Variants in PIK3CD observed in about 807,000 individuals in gnomAD.
The protein encoded by PIK3CD is phosphatidylinositol 4,5-bisphosphate 3-kinase catalytic subunit delta isoform.
In PIK3CD, 20 loss-of-function variants were observed where a neutral mutation model predicts 122.9. That is an observed-to-expected ratio of 0.16 (90% CI 0.11 to 0.24). The LOEUF (loss-of-function observed/expected upper bound fraction) is 0.24, where lower values mean the gene tolerates loss of function less well. PIK3CD is among the 10% of genes least tolerant of loss of function. The pLI, the probability that PIK3CD is intolerant of heterozygous loss-of-function variation, is 1.00. For missense variants in PIK3CD, 787 were observed against 1,406.3 expected, an observed-to-expected ratio of 0.56 and a Z score of 7.04; for synonymous variants, 596 against 593.4, an observed-to-expected ratio of 1.00 and a Z score of -0.06.
chr1:9,664,103 G>T (rs1254969483), intron 1 of PIK3CD, among the ~76,000 whole-genome samples: 1 of 138,934 alleles, frequency 7.2e-6, no homozygotes, highest in Non-Finnish European at 1.5e-5. Flanking sequence ...AGGCTGGAGC[G>T]CAGTGGCATA....
chr1:9,688,627 C>T (rs1471084366), intron 1 of PIK3CD, among the ~76,000 whole-genome samples: 1 of 152,106 alleles, frequency 6.6e-6, no homozygotes, highest in Admixed American at 6.6e-5. Context: ...GAGTTCGAGA[C>T]CAGCGTAGGC....
At chr1:9,630,496 G>C in the PIK3CD span, among the ~76,000 whole-genome samples, 2 of 152,216 alleles carry the variant, frequency 1.3e-5, no homozygotes, top group African/African-American at 4.8e-5. Flanking sequence ...GCCAGACACA[G>C]GGGAGCAGCC....
chr1:9,709,311 T>G (rs1385084673), intron 2 of PIK3CD, among the ~76,000 whole-genome samples: 22 of 152,090 alleles, frequency 1.4e-4, no homozygotes, highest in Admixed American at 1.4e-3. Context: ...CCCAAAGTGC[T>G]GGGATTACAG....
intron 1 of PIK3CD, among the ~76,000 whole-genome samples, chr1:9,656,612 C>G (rs916356230): frequency 2.6e-5 from 4 of 152,040 alleles, no homozygotes; most frequent in Admixed American, 6.6e-5. Flanking sequence ...GGCACTACAA[C>G]TTGGGCAACA....
chr1:9,699,250 C>A (rs1003174811), intron 2 of PIK3CD, among the ~76,000 whole-genome samples: 1 of 152,130 alleles, frequency 6.6e-6, no homozygotes, highest in Admixed American at 6.6e-5. Context: ...GGGATGAGTT[C>A]GGGCATTTCG....
At chr1:9,709,475 A>G (rs950946085) in intron 2 of PIK3CD, among the ~76,000 whole-genome samples, 1 of 151,708 alleles carries the variant, frequency 6.6e-6, no homozygotes, top group Non-Finnish European at 1.5e-5. Context: ...GGGAGGCCAG[A>G]GTGAGAAGAT....
Position 9,715,465 on chromosome 1 carries a change from T to C in PIK3CD, c.142-76T>C, listed in dbSNP as rs1359471736. ...TTGGACCCCCAGGCTGGAGGCCAGC[T>C]CTCCACCCTCCCTCAGCCTCCCACC... is the stretch of plus-strand genomic sequence containing the variant. On this transcript the variant is annotated intron_variant, in intron 3 of 23. Coordinates refer to ENST00000377346, the MANE Select transcript of PIK3CD (RefSeq NM_005026.5). This position sits in a 1 kb window ranked among gnomAD's most constrained non-coding sequence, Gnocchi z 4.1. 1 of 1,323,094 alleles carries C rather than the reference T, an allele frequency of 7.6e-7. No individual in the cohort carries two copies. The highest frequency in any genetic ancestry group is 1.1e-6 in the Non-Finnish European group (1 of 929,830). 82.0% of individuals were successfully genotyped at this position (1,323,094 alleles called of 1,614,324 possible).
rs778702520 is a variant in PIK3CD at position 9,728,823 on chromosome 1, G to C, written c.*1777G>C. ...TTTTTTTAAGTCATTTCATGTTTCT[G>C]TCTGGGGAAGGCAAGTTAGTTAAGT... On this transcript the variant is annotated 3_prime_UTR_variant, in exon 24 of 24. Coordinates refer to ENST00000377346, the MANE Select transcript of PIK3CD (RefSeq NM_005026.5). 2 of 152,242 alleles carry C rather than the reference G, an allele frequency of 1.3e-5. No homozygotes were observed. The highest frequency in any genetic ancestry group is 2.9e-5 in the Non-Finnish European group (2 of 68,050). 9.4% of individuals were successfully genotyped at this position (152,242 alleles called of 1,614,324 possible). A position where few individuals can be genotyped will look rare whatever the true frequency, so the allele number is the denominator to read the frequency against.
chr1:9,724,195 C>T lies in PIK3CD; in HGVS notation c.2719-81C>T. 1 of 1,612,932 alleles carries T rather than the reference C, an allele frequency of 6.2e-7. No individual in the cohort carries two copies. Among genetic ancestry groups the T allele is most frequent in the South Asian group, 1.1e-5 (1 of 91,048 alleles). ...CAGCTCTGTGGCAGGGGTCCCCCAG[C>T]CCTGCTGGCTTCCTGTCTCCCCTGG... On this transcript the variant is annotated intron_variant, in intron 21 of 23. Transcript: ENST00000377346. The surrounding 1 kb of genome is among the most constrained non-coding windows in gnomAD (Gnocchi z 7.3).
chr1:9,720,234 C>G lies in PIK3CD; in HGVS notation c.1462C>G (p.Leu488Val), dbSNP rs1258900023. Residue 488 changes from leucine to valine, a missense_variant, in exon 11 of 24, where the codon CTG becomes GTG. This residue lies in a region of PIK3CD where 592 missense variants were observed against 920.6 expected (regional missense o/e 0.64). Coordinates refer to ENST00000377346, the MANE Select transcript of PIK3CD (RefSeq NM_005026.5). The surrounding 1 kb of genome is among the most constrained non-coding windows in gnomAD (Gnocchi z 9.0). ...CCCGCACCCCGTGTACTACCCCGCC[C>G]TGGAGAAGGTCAGTGGGGGCCCCGC... is the stretch of plus-strand genomic sequence containing the variant. ...VAPHPVYYPA[L>V]EKILELGRHS... 1 of 1,605,768 alleles carries G rather than the reference C, an allele frequency of 6.2e-7. No individual in the cohort carries two copies. Among genetic ancestry groups the G allele is most frequent in the East Asian group, 2.2e-5 (1 of 44,644 alleles).
Position 9,718,040 on chromosome 1 carries a change from C to G in PIK3CD, c.1020+414C>G. On this transcript the variant is annotated intron_variant, in intron 8 of 23. Coordinates refer to ENST00000377346, the MANE Select transcript of PIK3CD (RefSeq NM_005026.5). This position sits in a 1 kb window ranked among gnomAD's most constrained non-coding sequence, Gnocchi z 7.2. ...GTGAGGGCTGCACCTGCCTCAACCT[C>G]TAGGGGCTGAGCCCACCTCCCTGTT... The G allele has an allele frequency of 2.1e-6, 1 of 478,136 alleles. No individual in the cohort carries two copies. Among genetic ancestry groups the G allele is most frequent in the East Asian group, 6.0e-5 (1 of 16,590 alleles). 29.6% of individuals were successfully genotyped at this position (478,136 alleles called of 1,614,324 possible).
chr1:9,652,295 C>T lies in PIK3CD; in HGVS notation c.-138+493C>T, dbSNP rs1336117950. On this transcript the variant is annotated intron_variant, in intron 1 of 23. Transcript: ENST00000377346. The surrounding 1 kb of genome is among the most constrained non-coding windows in gnomAD (Gnocchi z 6.2). ...GCGCGCTGGTGATGTCGCCCGAGTG[C>T]CCTGGCGCGGAGAGAGGGCTGCGCA... Among the ~76,000 whole-genome samples, 2 of 152,184 alleles carry T rather than the reference C, an allele frequency of 1.3e-5. No homozygotes were observed. Among genetic ancestry groups the T allele is most frequent in the Admixed American group, 1.3e-4 (2 of 15,286 alleles).
At chr1:9,677,616 G>A (rs1645586132) in intron 1 of PIK3CD, among the ~76,000 whole-genome samples, 1 of 142,220 alleles carries the variant, frequency 7.0e-6, no homozygotes, top group Non-Finnish European at 1.5e-5. Context: ...CTGCATTCCA[G>A]CCTGAGTGAA....
chr1:9,642,872 C>G, the PIK3CD span, among the ~76,000 whole-genome samples: 27,818 of 151,512 alleles, frequency 0.18, 4,513 homozygotes, highest in East Asian at 0.58. Context: ...AGGTGGATCA[C>G]TTGAGCCCAG....
intron 1 of PIK3CD, among the ~76,000 whole-genome samples, chr1:9,666,532 G>A (rs772328290): frequency 6.0e-5 from 9 of 149,632 alleles, no homozygotes; most frequent in Non-Finnish European, 1.3e-4. Context: ...ATGCCTGGCC[G>A]TATTCAAAGA....
At chr1:9,675,590 G>A (rs1296918654) in intron 1 of PIK3CD, among the ~76,000 whole-genome samples, 1 of 151,832 alleles carries the variant, frequency 6.6e-6, no homozygotes, top group Non-Finnish European at 1.5e-5. Context: ...TGCTGGGTTG[G>A]GGGAGGGGAG....
rs956160389 is a variant in PIK3CD, at chr1:9,695,758, C to T, written c.-33+4187C>T. On this transcript the variant is annotated intron_variant, in intron 2 of 23. Coordinates refer to ENST00000377346, the MANE Select transcript of PIK3CD (RefSeq NM_005026.5). Reference sequence around the variant, plus strand: ...TTGGGAGGCTGAGGCAGGAGAATCGCTTGAACCCGGGAGGCGGAGGCTGCA... The same window carrying T: ...TTGGGAGGCTGAGGCAGGAGAATCGTTTGAACCCGGGAGGCGGAGGCTGCA... Among the ~76,000 whole-genome samples, 50 of 151,448 alleles carry T rather than the reference C, an allele frequency of 3.3e-4. 1 individual carries two copies. Among genetic ancestry groups the T allele is most frequent in the Non-Finnish European group, 8.8e-5 (6 of 67,936 alleles).
chr1:9,727,017 C>T lies in PIK3CD; in HGVS notation c.3106C>T (p.His1036Tyr). The change falls in exon 24 of 24, where the codon CAC becomes TAC. Residue 1036 changes from histidine (H) to tyrosine (Y), a missense_variant. Transcript: ENST00000377346. ...GAAAACCAAAGTGAACTGGCTGGCC[C>T]ACAACGTGTCCAAAGACAACAGGCA... ...SWKTKVNWLAHNVSKDNRQ is the reference protein window; with the variant it reads ...SWKTKVNWLAYNVSKDNRQ The T allele has an allele frequency of 6.2e-7, 1 of 1,614,096 alleles. No individual in the cohort carries two copies. The highest frequency in any genetic ancestry group is 8.5e-7 in the Non-Finnish European group (1 of 1,180,020).
intron 2 of PIK3CD, among the ~76,000 whole-genome samples, chr1:9,693,833 C>A (rs1462743943): frequency 6.6e-6 from 1 of 151,878 alleles, no homozygotes. Flanking sequence ...GTGGAAAAGG[C>A]AAAGGAATGG....
Sources: allele counts gnomAD v4.1 joint callset (sites outside exome capture counted in the v4.1 genomes callset), GRCh38; gene constraint gnomAD v4.1.1; regional missense constraint gnomAD v4.1.1; non-coding constraint Gnocchi (gnomAD v3.1); transcripts MANE v1.5; gene names NCBI Gene and HGNC (gene_info 2026-07-23, HGNC 2026-07-21).